Variants in MAN1A1 observed in about 807,000 individuals in gnomAD.
MAN1A1 encodes the protein mannosidase alpha class 1A member 1, also known as mannosyl-oligosaccharide 1,2-alpha-mannosidase IA.
Under a neutral mutation model 70.8 loss-of-function variants are expected in MAN1A1, and 29 were observed. The ratio of observed to expected loss-of-function variants is 0.41; its 90% CI spans 0.31 to 0.56. MAN1A1 has a LOEUF of 0.56. Among genes scored for constraint, MAN1A1 ranks in the 20% least tolerant of loss-of-function variants. The pLI is 0.29. For missense variants in MAN1A1, 747 were observed against 841.3 expected (o/e 0.89, Z 1.39); for synonymous variants, 349 against 330.1 (o/e 1.06, Z -0.62).
At chr6:119,200,822 A>T (rs1054397021) in intron 8 of MAN1A1, among the ~76,000 whole-genome samples, 8 of 152,276 alleles carry the variant, frequency 5.3e-5, no homozygotes, top group Middle Eastern at 6.8e-3. Context: ...CAATTTCCCA[A>T]CTCTTAAAAA....
intron 8 of MAN1A1, among the ~76,000 whole-genome samples, chr6:119,197,798 TTTTG>T (rs1426739870): frequency 2.0e-5 from 3 of 151,034 alleles, no homozygotes; most frequent in Non-Finnish European, 4.4e-5. Flanking sequence ...CTGTTTTGTT[TTTTG>T]TTTTTTTTTT....
intron 10 of MAN1A1, 83 bp downstream of exon 10, chr6:119,189,581 T>C: frequency 8.1e-7 from 1 of 1,240,418 alleles, no homozygotes; most frequent in Non-Finnish European, 1.2e-6. Flanking sequence ...GAGCGGATAG[T>C]CTTTTGAGGG....
intron 4 of MAN1A1, among the ~76,000 whole-genome samples, chr6:119,294,603 G>A (rs774909919): frequency 5.3e-5 from 8 of 152,002 alleles, no homozygotes; most frequent in Admixed American, 2.6e-4. Context: ...AGTACATCCC[G>A]TCTTTTATTT....
At chr6:119,293,977 G>A (rs778453897) in intron 4 of MAN1A1, among the ~76,000 whole-genome samples, 3 of 152,022 alleles carry the variant, frequency 2.0e-5, no homozygotes, top group African/African-American at 4.8e-5. Flanking sequence ...AGCTGGTAAC[G>A]CACTCATCAG....
chr6:119,313,787 C>A (rs775233437), intron 2 of MAN1A1, among the ~76,000 whole-genome samples: 4 of 152,054 alleles, frequency 2.6e-5, no homozygotes, highest in Non-Finnish European at 4.4e-5. Flanking sequence ...TGTCTGCTCT[C>A]TGGTTTGTGC....
intron 4 of MAN1A1, among the ~76,000 whole-genome samples, chr6:119,295,678 T>C (rs1398545256): frequency 6.6e-6 from 1 of 152,170 alleles, no homozygotes; most frequent in East Asian, 1.9e-4. Flanking sequence ...TTTTTGTTTT[T>C]AAAAGGACAA....
intron 9 of MAN1A1, among the ~76,000 whole-genome samples, chr6:119,191,782 A>C (rs188361698): frequency 2.6e-5 from 4 of 152,340 alleles, no homozygotes; most frequent in East Asian, 3.9e-4. Flanking sequence ...AATGCTTCCC[A>C]AAATCTACTT....
intron 7 of MAN1A1, among the ~76,000 whole-genome samples, chr6:119,203,111 G>C (rs1773761592): frequency 6.6e-6 from 1 of 152,116 alleles, no homozygotes; most frequent in African/African-American, 2.4e-5. Context: ...CTACCTCATG[G>C]GCAGTTTGAT....
At chr6:119,280,801 T>C (rs1008677467) in intron 5 of MAN1A1, among the ~76,000 whole-genome samples, 1 of 152,262 alleles carries the variant, frequency 6.6e-6, no homozygotes, top group African/African-American at 2.4e-5. Context: ...ACAGTCATTA[T>C]GAATTATAAA....
chr6:119,207,766 T>C (rs1303476770), intron 6 of MAN1A1, among the ~76,000 whole-genome samples: 2 of 150,412 alleles, frequency 1.3e-5, no homozygotes, highest in East Asian at 1.9e-4. Flanking sequence ...AATGGGGGGG[T>C]TGGTGACAAA....
At chr6:119,278,629 T>G (rs1776143247) in intron 5 of MAN1A1, among the ~76,000 whole-genome samples, 1 of 152,180 alleles carries the variant, frequency 6.6e-6, no homozygotes, top group African/African-American at 2.4e-5. Context: ...AATAGATATC[T>G]GTCCCCTCAA....
chr6:119,188,157 T>C (rs1393409804), intron 11 of MAN1A1, among the ~76,000 whole-genome samples: 1 of 152,236 alleles, frequency 6.6e-6, no homozygotes, highest in Non-Finnish European at 1.5e-5. Flanking sequence ...TTTTAGACTA[T>C]GCCTTTCTAG....
intron 2 of MAN1A1, among the ~76,000 whole-genome samples, chr6:119,329,173 G>C (rs190533577): frequency 9.0e-4 from 137 of 152,306 alleles, no homozygotes; most frequent in African/African-American, 3.1e-3. Flanking sequence ...AGCTGGGTCA[G>C]ATTCTCCATT....
At chr6:119,212,079 A>G (rs1046198470) in intron 6 of MAN1A1, among the ~76,000 whole-genome samples, 39 of 150,996 alleles carry the variant, frequency 2.6e-4, no homozygotes, top group African/African-American at 9.3e-4. Context: ...CAACCTCATG[A>G]TCTGCTCGCC....
Position 119,349,617 on chromosome 6 carries a change from C to T in MAN1A1, c.-298G>A. On this transcript the variant is annotated 5_prime_UTR_variant, in exon 1 of 13. Transcript: ENST00000368468. ...GCTCCCCATCTCCGCGCTGAGACTG[C>T]TGCCTCTTTCCTAGGCTGGGCTGAG... 1 of 985,956 alleles carries T rather than the reference C, an allele frequency of 1.0e-6. No homozygotes were observed. The highest frequency in any genetic ancestry group is 1.2e-6 in the Non-Finnish European group (1 of 830,036). The allele number at this position is 985,956 out of a possible 1,614,324, so 61.1% of individuals were successfully genotyped here.
At chr6:119,235,770 G>A (rs1429229974) in intron 6 of MAN1A1, among the ~76,000 whole-genome samples, 3 of 152,186 alleles carry the variant, frequency 2.0e-5, no homozygotes, top group Non-Finnish European at 2.9e-5. Flanking sequence ...TCAAAGGACA[G>A]GCTGACTCTC....
At chr6:119,341,238 A>G (rs1262268290) in intron 2 of MAN1A1, among the ~76,000 whole-genome samples, 2 of 152,126 alleles carry the variant, frequency 1.3e-5, no homozygotes, top group Non-Finnish European at 2.9e-5. Context: ...TCCGGAGCAA[A>G]GGAATTAGCC....
intron 6 of MAN1A1, among the ~76,000 whole-genome samples, chr6:119,222,181 C>A (rs1166564625): frequency 6.6e-6 from 1 of 152,048 alleles, no homozygotes; most frequent in Non-Finnish European, 1.5e-5. Flanking sequence ...ATTTTTGCTA[C>A]AGTACTGTTA....
Position 119,307,097 on chromosome 6 carries a change from G to A in MAN1A1, c.604-105C>T, listed in dbSNP as rs1772554237. 8.3e-6 allele frequency: 6 copies of A among 718,844 alleles called. No homozygotes were observed. In the South Asian group the frequency reaches 1.0e-4, roughly 12 times the overall value. 44.5% of individuals were successfully genotyped at this position (718,844 alleles called of 1,614,324 possible). A position where few individuals can be genotyped will look rare whatever the true frequency, so the allele number is the denominator to read the frequency against. On this transcript the variant is annotated intron_variant, in intron 2 of 12. Transcript: ENST00000368468. ...AAGGCTAAAACATTAAAATTCATTA[G>A]TTAAAAGGATGACTAAGTAAAAGAA... is the stretch of plus-strand genomic sequence containing the variant.
Sources: allele counts gnomAD v4.1 joint callset (sites outside exome capture counted in the v4.1 genomes callset), GRCh38; gene constraint gnomAD v4.1.1; transcripts MANE v1.5; gene names NCBI Gene and HGNC (gene_info 2026-07-23, HGNC 2026-07-21).